CAP2: variants seen among roughly 807,000 people sequenced by gnomAD.
CAP2 encodes the protein adenylyl cyclase-associated protein 2.
In CAP2, 24 loss-of-function variants were observed where a neutral mutation model predicts 57.7. That is an observed-to-expected ratio of 0.42 (90% CI 0.30 to 0.58). CAP2 has a LOEUF of 0.58. Ranked by LOEUF, CAP2 falls within the 20% of genes least tolerant of loss-of-function variation. The pLI is 0.22. For synonymous variants in CAP2, 194 were observed against 207.2 expected (o/e 0.94, Z 0.55); for missense variants, 501 against 590.3 (o/e 0.85, Z 1.57).
Position 17,428,680 on chromosome 6 carries a change from CG to C in CAP2, c.222+1991del, listed in dbSNP as rs1759651003. Among the ~76,000 whole-genome samples, 133 of 150,670 alleles carry C rather than the reference CG, an allele frequency of 8.8e-4. 6 individuals are homozygous for C. Among genetic ancestry groups the C allele is most frequent in the African/African-American group, 2.4e-5 (1 of 40,922 alleles). On this transcript the variant is annotated intron_variant, in intron 3 of 12. Transcript: ENST00000229922. ...GGGAGATATACCTAATGCTAGATGA[CG>C]AGTTAGTGGGTGCAGCGCACCAGCA... is the stretch of plus-strand genomic sequence containing the variant.
chr6:17,541,225 T>C, intron 9 of CAP2, 77 bp downstream of exon 9: 1 of 1,137,986 alleles, frequency 8.8e-7, no homozygotes, highest in Non-Finnish European at 1.3e-6. Context: ...TTTACCAAGA[T>C]CTGAAGGATT....
At chr6:17,433,819 C>G (rs936738001) in intron 3 of CAP2, among the ~76,000 whole-genome samples, 1 of 152,238 alleles carries the variant, frequency 6.6e-6, no homozygotes, top group Non-Finnish European at 1.5e-5. Flanking sequence ...TGCTAAATCT[C>G]AGGCCTTCAT....
chr6:17,489,816 G>A (rs773106858), intron 4 of CAP2, among the ~76,000 whole-genome samples: 1 of 151,828 alleles, frequency 6.6e-6, no homozygotes, highest in Non-Finnish European at 1.5e-5. Flanking sequence ...CTGCCCTCCT[G>A]GAGTTTGTAA....
In CAP2 at chr6:17,556,402, G is replaced by A. The variant is rs756873512; in HGVS notation, c.1394G>A (p.Gly465Glu). Residue 465 changes from glycine to glutamate, a missense_variant, in exon 13 of 13, where the codon GGA becomes GAA. Gly to Glu is a moderately conservative substitution (Grantham distance 98, BLOSUM62 -2). Coordinates refer to ENST00000229922, the MANE Select transcript of CAP2 (RefSeq NM_006366.3). Reference sequence around the variant, plus strand: ...GAACAGTTCAAGACAGCATGGGATGGATCCAAGTTAATCACTGAACCTGCA... The same window carrying A: ...GAACAGTTCAAGACAGCATGGGATGAATCCAAGTTAATCACTGAACCTGCA... ...IPEQFKTAWD[G>E]SKLITEPAEI... 1 of 1,613,964 alleles carries A rather than the reference G, an allele frequency of 6.2e-7. No homozygotes were observed. Among genetic ancestry groups the A allele is most frequent in the South Asian group, 1.1e-5 (1 of 91,072 alleles).
chr6:17,441,687 G>T (rs1760078425), intron 3 of CAP2, among the ~76,000 whole-genome samples: 1 of 152,122 alleles, frequency 6.6e-6, no homozygotes, highest in African/African-American at 2.4e-5. Flanking sequence ...GTTTCACCAT[G>T]TTGCTCAGGC....
chr6:17,543,239 C>G, intron 11 of CAP2, 96 bp downstream of exon 11: 1 of 989,094 alleles, frequency 1.0e-6, no homozygotes, highest in Admixed American at 1.8e-5. Flanking sequence ...TAGTAAGCAG[C>G]CTTTCCAACC....
chr6:17,504,941 G>A (rs774709350), intron 4 of CAP2, among the ~76,000 whole-genome samples: 3 of 152,156 alleles, frequency 2.0e-5, no homozygotes, highest in Non-Finnish European at 4.4e-5. Context: ...CTATATAGAT[G>A]TCTGTTTGGA....
At chr6:17,409,312 C>T (rs945880735) in intron 1 of CAP2, among the ~76,000 whole-genome samples, 4 of 151,548 alleles carry the variant, frequency 2.6e-5, no homozygotes, top group South Asian at 2.1e-4. Flanking sequence ...GCGGATGTTG[C>T]GGTGAGCCGA....
intron 3 of CAP2, among the ~76,000 whole-genome samples, chr6:17,440,595 C>T (rs1190256030): frequency 7.0e-6 from 1 of 142,054 alleles, no homozygotes; most frequent in African/African-American, 2.8e-5. Flanking sequence ...TTGTTTTGGG[C>T]TGAAAACAAA....
At chr6:17,528,376 T>C (rs550663794) in intron 7 of CAP2, among the ~76,000 whole-genome samples, 217 of 152,362 alleles carry the variant, frequency 1.4e-3, no homozygotes, top group Admixed American at 3.9e-3. Flanking sequence ...GGTACTAATA[T>C]AGACAGCACA....
chr6:17,494,356 C>G (rs1324612401), intron 4 of CAP2, among the ~76,000 whole-genome samples: 2 of 152,076 alleles, frequency 1.3e-5, no homozygotes, highest in African/African-American at 2.4e-5. Context: ...CTCAGTCGCT[C>G]CATTCCAGCT....
At chr6:17,415,578 T>C (rs935755540) in intron 1 of CAP2, among the ~76,000 whole-genome samples, 1 of 152,208 alleles carries the variant, frequency 6.6e-6, no homozygotes, top group Non-Finnish European at 1.5e-5. Context: ...AATTAATTAG[T>C]CAATCAAAAA....
At chr6:17,471,518 A>G (rs1761018079) in intron 4 of CAP2, among the ~76,000 whole-genome samples, 1 of 152,162 alleles carries the variant, frequency 6.6e-6, no homozygotes, top group East Asian at 1.9e-4. Context: ...AAGTAGAAAA[A>G]AGCTACAAGA....
intron 3 of CAP2, among the ~76,000 whole-genome samples, chr6:17,439,463 C>G (rs1760007253): frequency 6.6e-6 from 1 of 151,446 alleles, no homozygotes; most frequent in Admixed American, 6.6e-5. Context: ...CAGCAGTAGT[C>G]AACCTTTTTG....
At chr6:17,528,183 C>T (rs927895796) in intron 7 of CAP2, among the ~76,000 whole-genome samples, 7 of 152,166 alleles carry the variant, frequency 4.6e-5, no homozygotes, top group African/African-American at 9.7e-5. Context: ...GTTCTGAACA[C>T]GTTTACGTTA....
chr6:17,425,590 G>A (rs1289229807), intron 2 of CAP2, among the ~76,000 whole-genome samples: 2 of 152,100 alleles, frequency 1.3e-5, no homozygotes, highest in African/African-American at 4.8e-5. Context: ...TGGATGACTC[G>A]GCTGGGTTCA....
chr6:17,434,231 C>CT (rs1219210615), intron 3 of CAP2, among the ~76,000 whole-genome samples: 1,466 of 137,112 alleles, frequency 0.011, 36 homozygotes, highest in African/African-American at 0.043. Context: ...CTCTTTTTTT[C>CT]TTTCTTTTTT....
chr6:17,397,963 C>A (rs1758713895), intron 1 of CAP2, among the ~76,000 whole-genome samples: 1 of 151,402 alleles, frequency 6.6e-6, no homozygotes, highest in African/African-American at 2.4e-5. Flanking sequence ...CTTTGACTTA[C>A]ACATTGATGG....
chr6:17,454,711 G>A (rs1364816256), intron 3 of CAP2, among the ~76,000 whole-genome samples: 1 of 152,142 alleles, frequency 6.6e-6, no homozygotes, highest in African/African-American at 2.4e-5. Context: ...TTGCTGATAT[G>A]TTTCAAAAGA....
Sources: gnomAD v4.1 joint callset for allele counts (sites outside exome capture counted in the v4.1 genomes callset) on GRCh38, gnomAD v4.1.1 for gene constraint, MANE v1.5 for transcripts, NCBI Gene and HGNC (gene_info 2026-07-23, HGNC 2026-07-21) for gene names.